The following RIT2 variants were observed in gnomAD, a reference collection of about 807,000 sequenced individuals.
The protein encoded by RIT2 is Ras like without CAAX 2, also known as GTP-binding protein Rit2.
A neutral mutation model predicts 23.7 loss-of-function variants in RIT2; 24 were observed. The observed-to-expected ratio is 1.01, with a 90% CI of 0.73 to 1.43. RIT2 has a LOEUF of 1.43. RIT2 is among the 40% of genes most tolerant of loss of function. The pLI is 0.00. For missense variants in RIT2, 236 were observed against 266.9 expected (o/e 0.88, Z 0.81); for synonymous variants, 107 against 91.1 (o/e 1.17, Z -0.99).
chr18:43,019,575 A>G (rs1471483021), intron 2 of RIT2, among the ~76,000 whole-genome samples: 1 of 152,098 alleles, frequency 6.6e-6, no homozygotes, highest in Non-Finnish European at 1.5e-5. Flanking sequence ...CTAACAGCTA[A>G]CATCATACTG....
At chr18:43,070,793 A>T (rs776200014) in intron 1 of RIT2, among the ~76,000 whole-genome samples, 10 of 152,220 alleles carry the variant, frequency 6.6e-5, no homozygotes, top group Non-Finnish European at 1.2e-4. Flanking sequence ...GAAATACAGC[A>T]CTAATCCAGT....
At chr18:43,064,799 C>A (rs2144327396) in intron 1 of RIT2, among the ~76,000 whole-genome samples, 1 of 152,158 alleles carries the variant, frequency 6.6e-6, no homozygotes, top group East Asian at 1.9e-4. Context: ...GTATTCCTCA[C>A]AATAACTATT....
intron 4 of RIT2, among the ~76,000 whole-genome samples, chr18:42,908,395 T>C (rs1218640961): frequency 6.6e-6 from 1 of 152,202 alleles, no homozygotes; most frequent in African/African-American, 2.4e-5. Context: ...AAATACTGGC[T>C]GAAAGCCTCC....
At chr18:43,018,166 C>T (rs1369121850) in intron 2 of RIT2, among the ~76,000 whole-genome samples, 1 of 152,000 alleles carries the variant, frequency 6.6e-6, no homozygotes, top group African/African-American at 2.4e-5. Context: ...CTCCCTTTCC[C>T]TCACACTGCC....
intron 4 of RIT2, among the ~76,000 whole-genome samples, chr18:42,763,785 ATTTTC>A (rs1467391304): frequency 6.6e-6 from 1 of 152,084 alleles, no homozygotes; most frequent in Admixed American, 6.5e-5. Flanking sequence ...TGTACAAAAT[ATTTTC>A]TTTTCTTCTA....
intron 1 of RIT2, among the ~76,000 whole-genome samples, chr18:43,110,777 T>C (rs1363799893): frequency 6.6e-6 from 1 of 152,182 alleles, no homozygotes; most frequent in Non-Finnish European, 1.5e-5. Context: ...TTTCACTGAA[T>C]GTGTATGTGT....
chr18:43,092,976 T>C (rs1913460569), intron 1 of RIT2, among the ~76,000 whole-genome samples: 1 of 152,038 alleles, frequency 6.6e-6, no homozygotes, highest in African/African-American at 2.4e-5. Flanking sequence ...GACAAATGCA[T>C]AGTATATTCT....
chr18:42,774,005 A>G (rs540790516), intron 4 of RIT2, among the ~76,000 whole-genome samples: 1 of 152,352 alleles, frequency 6.6e-6, no homozygotes, highest in East Asian at 1.9e-4. Context: ...TGAACTAAAC[A>G]TGAATGAGAG....
At chr18:42,982,348 C>A (rs1046436039) in intron 2 of RIT2, among the ~76,000 whole-genome samples, 5 of 152,192 alleles carry the variant, frequency 3.3e-5, no homozygotes, top group African/African-American at 9.6e-5. Flanking sequence ...GTGCTGCCAA[C>A]GTTGATGGCA....
intron 4 of RIT2, among the ~76,000 whole-genome samples, chr18:42,865,575 C>A (rs925183686): frequency 3.3e-5 from 5 of 151,888 alleles, no homozygotes; most frequent in African/African-American, 7.3e-5. Flanking sequence ...GGACAACAAG[C>A]GCAAAAAATC....
At chr18:42,807,144 T>A (rs1446431280) in intron 4 of RIT2, among the ~76,000 whole-genome samples, 1 of 152,200 alleles carries the variant, frequency 6.6e-6, no homozygotes, top group Admixed American at 6.5e-5. Context: ...TTTATAAATT[T>A]GTTACCTTAA....
At chr18:42,800,595 A>C (rs4349236) in intron 4 of RIT2, among the ~76,000 whole-genome samples, 16 of 144,612 alleles carry the variant, frequency 1.1e-4, no homozygotes, top group Admixed American at 3.0e-4. Flanking sequence ...GAGTGGCGCC[A>C]TCTGGCTCAC....
intron 4 of RIT2, among the ~76,000 whole-genome samples, chr18:42,752,906 G>T (rs1913079789): frequency 6.6e-6 from 1 of 152,080 alleles, no homozygotes; most frequent in Non-Finnish European, 1.5e-5. Flanking sequence ...AGCAATGGCA[G>T]AAAAGAAGGA....
At chr18:42,850,220 G>A (rs1033172434) in intron 4 of RIT2, among the ~76,000 whole-genome samples, 1 of 151,880 alleles carries the variant, frequency 6.6e-6, no homozygotes, top group Non-Finnish European at 1.5e-5. Context: ...GGAATGCTCC[G>A]CTCTTTACCT....
At chr18:42,826,251 A>G (rs1906294363) in intron 4 of RIT2, among the ~76,000 whole-genome samples, 1 of 152,072 alleles carries the variant, frequency 6.6e-6, no homozygotes, top group South Asian at 2.1e-4. Context: ...ATTTTACAGA[A>G]GAGAAAGCTG....
rs600534 is a variant in RIT2 at position 42,795,656 on chromosome 18, G to T, written c.427-51936C>A. Reference sequence around the variant, plus strand: ...TGGCAGGCAGCTCCACCTGCAGCCCGGGTGCGGGATCCACTGGGTGAAGCC... The same window carrying T: ...TGGCAGGCAGCTCCACCTGCAGCCCTGGTGCGGGATCCACTGGGTGAAGCC... On this transcript the variant is annotated intron_variant, in intron 4 of 4. Coordinates refer to ENST00000326695, the MANE Select transcript of RIT2 (RefSeq NM_002930.4). Among the ~76,000 whole-genome samples the T allele has an allele frequency of 2.1e-3, 326 of 152,354 alleles. 1 individual carries two copies. In the South Asian group the frequency reaches 0.022, roughly 10 times the overall value.
At chr18:42,777,628 A>T (rs897221347) in intron 4 of RIT2, among the ~76,000 whole-genome samples, 1 of 152,202 alleles carries the variant, frequency 6.6e-6, no homozygotes, top group Non-Finnish European at 1.5e-5. Context: ...TTGTCAGTAT[A>T]CATATTGTCA....
chr18:42,853,983 T>C (rs1317383911), intron 4 of RIT2, among the ~76,000 whole-genome samples: 2 of 152,242 alleles, frequency 1.3e-5, no homozygotes, highest in Admixed American at 1.3e-4. Context: ...ATTCTTTCTC[T>C]GCCTTCTCTT....
intron 2 of RIT2, among the ~76,000 whole-genome samples, chr18:42,993,686 G>T (rs1598741672): frequency 1.3e-5 from 2 of 151,984 alleles, no homozygotes; most frequent in East Asian, 3.9e-4. Flanking sequence ...CTATTCCTGG[G>T]CTACAGCCAC....
Sources: gnomAD v4.1 joint callset for allele counts (sites outside exome capture counted in the v4.1 genomes callset) on GRCh38, gnomAD v4.1.1 for gene constraint, MANE v1.5 for transcripts, NCBI Gene and HGNC (gene_info 2026-07-23, HGNC 2026-07-21) for gene names.